Variants in DLG2 observed in about 807,000 individuals in gnomAD.
DLG2 encodes the protein disks large homolog 2.
A neutral mutation model predicts 132.5 loss-of-function variants in DLG2; 45 were observed. The observed-to-expected ratio is 0.34, with a 90% CI of 0.27 to 0.44. The LOEUF (loss-of-function observed/expected upper bound fraction) is 0.44, where lower values mean the gene tolerates loss of function less well. Ranked by LOEUF, DLG2 falls within the 20% of genes least tolerant of loss-of-function variation. The pLI is 1.00. For missense variants in DLG2, 1,045 were observed against 1,196.9 expected, an observed-to-expected ratio of 0.87 and a Z score of 1.87; for synonymous variants, 424 against 419.6, an observed-to-expected ratio of 1.01 and a Z score of -0.13.
chr11:83,652,197 G>A (rs1028797605), intron 18 of DLG2, among the ~76,000 whole-genome samples: 8 of 152,264 alleles, frequency 5.3e-5, no homozygotes, highest in South Asian at 2.1e-4. Flanking sequence ...ACAAAGCAGC[G>A]ACTGTAGATC....
intron 15 of DLG2, among the ~76,000 whole-genome samples, chr11:83,902,649 C>A (rs925002521): frequency 6.6e-6 from 1 of 152,124 alleles, no homozygotes; most frequent in Non-Finnish European, 1.5e-5. Context: ...CAGTGGACTT[C>A]CACTGTGTGG....
chr11:84,987,879 A>C (rs2056668883), intron 6 of DLG2, among the ~76,000 whole-genome samples: 1 of 152,230 alleles, frequency 6.6e-6, no homozygotes, highest in Non-Finnish European at 1.5e-5. Context: ...CATGACCAAG[A>C]ACCCAAAAGC....
intron 6 of DLG2, among the ~76,000 whole-genome samples, chr11:84,905,326 G>T (rs762776496): frequency 2.0e-5 from 3 of 152,064 alleles, no homozygotes; most frequent in Non-Finnish European, 4.4e-5. Context: ...AAAACTCAAA[G>T]AATTTTGTAA....
At chr11:83,486,382 A>G (rs1431457112) in intron 21 of DLG2, 1 of 566,358 alleles carries the variant, frequency 1.8e-6, no homozygotes, top group Non-Finnish European at 3.1e-6. Context: ...TTTCATGCAA[A>G]TACAAAACAA....
chr11:84,671,593 G>T (rs543471130), intron 6 of DLG2, among the ~76,000 whole-genome samples: 2 of 152,104 alleles, frequency 1.3e-5, no homozygotes, highest in East Asian at 3.9e-4. Context: ...AATGACTTCC[G>T]TGTTGGCTAT....
At chr11:83,942,253 TGTAGG>T (rs1231054356) in intron 14 of DLG2, among the ~76,000 whole-genome samples, 1 of 152,204 alleles carries the variant, frequency 6.6e-6, no homozygotes, top group African/African-American at 2.4e-5. Flanking sequence ...ACAGTTTTAA[TGTAGG>T]CATTAAAAAC....
intron 3 of DLG2, among the ~76,000 whole-genome samples, chr11:85,585,464 G>T (rs554515389): frequency 5.9e-5 from 9 of 152,242 alleles, no homozygotes; most frequent in African/African-American, 9.6e-5. Context: ...ACTAGAAGTG[G>T]TGGAAATGGG....
At chr11:83,829,965 C>T (rs1183175576) in intron 17 of DLG2, among the ~76,000 whole-genome samples, 6 of 152,044 alleles carry the variant, frequency 3.9e-5, no homozygotes, top group Admixed American at 3.9e-4. Flanking sequence ...TCTCATTGTT[C>T]AATTCCCACC....
intron 3 of DLG2, among the ~76,000 whole-genome samples, chr11:85,391,572 G>A (rs1205609950): frequency 6.6e-6 from 1 of 151,920 alleles, no homozygotes; most frequent in Non-Finnish European, 1.5e-5. Context: ...AACAGCTTAT[G>A]AAAAAGATCA....
At chr11:84,190,238 A>G (rs963436303) in intron 8 of DLG2, among the ~76,000 whole-genome samples, 5 of 152,170 alleles carry the variant, frequency 3.3e-5, no homozygotes, top group African/African-American at 1.2e-4. Flanking sequence ...AGAATTCCAG[A>G]TAAGTGGCTC....
At chr11:83,491,248 A>G (rs530971878) in intron 21 of DLG2, among the ~76,000 whole-genome samples, 10 of 151,982 alleles carry the variant, frequency 6.6e-5, no homozygotes, top group African/African-American at 9.6e-5. Flanking sequence ...AATAAGAAAA[A>G]GAAGCAGATC....
At chr11:84,568,433 G>A (rs921520846) in intron 6 of DLG2, among the ~76,000 whole-genome samples, 1 of 152,200 alleles carries the variant, frequency 6.6e-6, no homozygotes, top group African/African-American at 2.4e-5. Context: ...CTTGAACCCT[G>A]GAGGTGGAGG....
chr11:85,033,892 G>T (rs2061227910), intron 6 of DLG2, among the ~76,000 whole-genome samples: 1 of 151,990 alleles, frequency 6.6e-6, no homozygotes, highest in South Asian at 2.1e-4. Context: ...ATATGTGAAA[G>T]AATTTTTGTT....
intron 7 of DLG2, among the ~76,000 whole-genome samples, chr11:84,282,356 G>A (rs1240656314): frequency 2.0e-5 from 3 of 152,126 alleles, no homozygotes; most frequent in Non-Finnish European, 4.4e-5. Flanking sequence ...GGAATGGGGA[G>A]GTAGAGCAGG....
chr11:84,868,159 T>G (rs2084915884), intron 6 of DLG2, among the ~76,000 whole-genome samples: 1 of 147,670 alleles, frequency 6.8e-6, no homozygotes, highest in African/African-American at 2.5e-5. Flanking sequence ...TTTATTAATA[T>G]ATTATATTAT....
intron 6 of DLG2, among the ~76,000 whole-genome samples, chr11:84,717,210 G>A (rs1472654104): frequency 6.6e-6 from 1 of 151,956 alleles, no homozygotes; most frequent in Non-Finnish European, 1.5e-5. Flanking sequence ...TTTCAGGAAA[G>A]GAAATAAATA....
At chr11:83,692,563 T>G (rs2081173310) in intron 18 of DLG2, among the ~76,000 whole-genome samples, 1 of 152,104 alleles carries the variant, frequency 6.6e-6, no homozygotes, top group African/African-American at 2.4e-5. Context: ...AAAATTGTGG[T>G]GATGGTTGCA....
At chr11:84,882,195 C>T (rs1398443225) in intron 6 of DLG2, among the ~76,000 whole-genome samples, 1 of 151,974 alleles carries the variant, frequency 6.6e-6, no homozygotes, top group Non-Finnish European at 1.5e-5. Flanking sequence ...AGAAAGAAAG[C>T]TGTGTCAACA....
chr11:84,980,274 G>T (rs2055546331), intron 6 of DLG2, among the ~76,000 whole-genome samples: 1 of 152,050 alleles, frequency 6.6e-6, no homozygotes, highest in South Asian at 2.1e-4. Flanking sequence ...ATGTAGGCTA[G>T]AACCTGCAAA....
Sources: allele counts gnomAD v4.1 joint callset (sites outside exome capture counted in the v4.1 genomes callset), GRCh38; gene constraint gnomAD v4.1.1; transcripts MANE v1.5; gene names NCBI Gene and HGNC (gene_info 2026-07-23, HGNC 2026-07-21).